STUM: variants seen among roughly 807,000 people sequenced by gnomAD.
STUM encodes stum, mechanosensory transduction mediator homolog, also known as protein stum homolog.
In STUM, 8 loss-of-function variants were observed where a neutral mutation model predicts 15.3. The observed-to-expected ratio is 0.52, with a 90% confidence interval of 0.31 to 0.94. STUM has a LOEUF of 0.94. Ranked by LOEUF, STUM falls within the 40% of genes least tolerant of loss-of-function variation. The pLI, the probability that STUM is intolerant of heterozygous loss-of-function variation, is 0.05. For missense variants in STUM, 142 were observed against 204.9 expected (o/e 0.69, Z 1.87); for synonymous variants, 78 against 88.7 (o/e 0.88, Z 0.68).
intron 1 of STUM, among the ~76,000 whole-genome samples, chr1:226,556,199 T>G (rs1389959910): frequency 6.6e-6 from 1 of 152,098 alleles, no homozygotes; most frequent in African/African-American, 2.4e-5. Context: ...CAGAGGAAGT[T>G]TGTGTCTCAA....
chr1:226,552,956 C>T lies in STUM; in HGVS notation c.202+3850C>T, dbSNP rs1478487626. 6.6e-6 allele frequency among the ~76,000 whole-genome samples: 1 copy of T among 152,186 alleles called. No homozygotes were observed. Among genetic ancestry groups the T allele is most frequent in the African/African-American group, 2.4e-5 (1 of 41,432 alleles). Reference sequence around the variant, plus strand: ...CAAATACATATAGACTAGAATTATACTCCTGGAATAGGCATTAGAGATCAT... The same window carrying T: ...CAAATACATATAGACTAGAATTATATTCCTGGAATAGGCATTAGAGATCAT... On this transcript the variant is annotated intron_variant, in intron 1 of 3. Transcript: ENST00000366788. This position sits in a 1 kb window ranked among gnomAD's most constrained non-coding sequence, Gnocchi z 4.7.
chr1:226,559,697 G>A (rs1379742785), intron 1 of STUM, among the ~76,000 whole-genome samples: 1 of 152,212 alleles, frequency 6.6e-6, no homozygotes, highest in Non-Finnish European at 1.5e-5. Context: ...ATTCAGCCAG[G>A]ACGTGATGGC....
At chr1:226,597,133 G>A in intron 2 of STUM, 152 bp downstream of exon 2, 1 of 766,776 alleles carries the variant, frequency 1.3e-6, no homozygotes, top group Non-Finnish European at 2.2e-6. Context: ...ACAACTCCCT[G>A]GGCTGCTTGG....
rs1249879807 is a variant in STUM at position 226,565,832 on chromosome 1, G to A, written c.202+16726G>A. ...GCTCTCCTCCCAAGAAACCCAGATG[G>A]CTGGAAGCATCGCTGCCTTCCCGGA... On this transcript the variant is annotated intron_variant, in intron 1 of 3. Coordinates refer to ENST00000366788, the MANE Select transcript of STUM (RefSeq NM_001003665.4). The surrounding 1 kb of genome is among the most constrained non-coding windows in gnomAD (Gnocchi z 4.4). Among the ~76,000 whole-genome samples the A allele has an allele frequency of 6.6e-6, 1 of 152,200 alleles. No homozygotes were observed. The highest frequency in any genetic ancestry group is 2.4e-5 in the African/African-American group (1 of 41,446).
At chr1:226,595,494 C>G (rs1363157199) in intron 1 of STUM, among the ~76,000 whole-genome samples, 1 of 152,234 alleles carries the variant, frequency 6.6e-6, no homozygotes, top group African/African-American at 2.4e-5. Flanking sequence ...CACTGAATCT[C>G]TCTCTGTGTG....
At chr1:226,579,483 C>A (rs556272924) in intron 1 of STUM, among the ~76,000 whole-genome samples, 1 of 152,206 alleles carries the variant, frequency 6.6e-6, no homozygotes, top group Admixed American at 6.5e-5. Flanking sequence ...TAATCCCACC[C>A]GCAAGTGTGA....
intron 3 of STUM, among the ~76,000 whole-genome samples, chr1:226,601,483 G>T (rs771342165): frequency 6.6e-6 from 1 of 152,136 alleles, no homozygotes; most frequent in Non-Finnish European, 1.5e-5. Flanking sequence ...TTTTCCCAAA[G>T]GACTCATGAT....
chr1:226,572,133 G>A lies in STUM; in HGVS notation c.202+23027G>A, dbSNP rs575867592. 1.6e-4 allele frequency among the ~76,000 whole-genome samples: 24 copies of A among 152,284 alleles called. No homozygotes were observed. The East Asian group carries it at 2.5e-3, about 16-fold the overall frequency. ...AATTAAAGGGCATGATGATGATACC[G>A]GCTGCGGTGAGAACCTGCCACCCTT... On this transcript the variant is annotated intron_variant, in intron 1 of 3. Coordinates refer to ENST00000366788, the MANE Select transcript of STUM (RefSeq NM_001003665.4).
At chr1:226,576,966 C>T (rs530341) in intron 1 of STUM, among the ~76,000 whole-genome samples, 84,894 of 152,106 alleles carry the variant, frequency 0.56, 24,208 homozygotes, top group African/African-American at 0.66. Flanking sequence ...AACATAGCTA[C>T]CCACACACTT....
intron 1 of STUM, among the ~76,000 whole-genome samples, chr1:226,584,601 C>A (rs763297826): frequency 7.9e-5 from 12 of 152,200 alleles, no homozygotes; most frequent in Non-Finnish European, 1.5e-4. Context: ...TGAGCCCAAG[C>A]CTGCCATTTG....
intron 1 of STUM, among the ~76,000 whole-genome samples, chr1:226,595,359 G>A (rs1262194551): frequency 2.0e-5 from 3 of 151,962 alleles, no homozygotes; most frequent in South Asian, 2.1e-4. Context: ...TTCCTCTCTC[G>A]GTCCACTGGC....
intron 1 of STUM, among the ~76,000 whole-genome samples, chr1:226,558,171 T>C (rs1390583660): frequency 6.6e-6 from 1 of 152,130 alleles, no homozygotes; most frequent in Non-Finnish European, 1.5e-5. Flanking sequence ...GGCATCCAAA[T>C]AGGAAAGGAA....
intron 1 of STUM, among the ~76,000 whole-genome samples, chr1:226,571,212 C>T (rs1667705772): frequency 6.6e-6 from 1 of 152,066 alleles, no homozygotes. Context: ...GCCTGGGAGA[C>T]AGCGTGAATG....
At chr1:226,568,435 G>A (rs1163487797) in intron 1 of STUM, among the ~76,000 whole-genome samples, 1 of 152,172 alleles carries the variant, frequency 6.6e-6, no homozygotes, top group East Asian at 1.9e-4. Context: ...AATTTGGCAG[G>A]GACAGCTTCA....
At chr1:226,575,509 G>T (rs1205259825) in intron 1 of STUM, among the ~76,000 whole-genome samples, 12 of 152,214 alleles carry the variant, frequency 7.9e-5, no homozygotes, top group Admixed American at 7.8e-4. Flanking sequence ...GGACTGGGCC[G>T]CGAGGCCTGG....
At chr1:226,563,752 A>G (rs1667577433) in intron 1 of STUM, among the ~76,000 whole-genome samples, 1 of 152,232 alleles carries the variant, frequency 6.6e-6, no homozygotes, top group Non-Finnish European at 1.5e-5. Flanking sequence ...ATCAACAACC[A>G]GTGACTTTGC....
chr1:226,597,921 C>G (rs1668208920), intron 2 of STUM, among the ~76,000 whole-genome samples: 1 of 152,192 alleles, frequency 6.6e-6, no homozygotes, highest in East Asian at 1.9e-4. Context: ...AGCAGGGGAA[C>G]CCCAGGCTGG....
At chr1:226,551,409 A>T (rs908800146) in intron 1 of STUM, among the ~76,000 whole-genome samples, 10 of 152,140 alleles carry the variant, frequency 6.6e-5, no homozygotes, top group African/African-American at 2.4e-4. Context: ...AGTGCTTTTG[A>T]TCCCTCTGCT....
chr1:226,551,254 G>A (rs114561624), intron 1 of STUM, among the ~76,000 whole-genome samples: 1 of 152,302 alleles, frequency 6.6e-6, no homozygotes, highest in African/African-American at 2.4e-5. Context: ...ATAAAGCCCA[G>A]CGTCTGGTGC....
Sources: allele counts gnomAD v4.1 joint callset (sites outside exome capture counted in the v4.1 genomes callset), GRCh38; gene constraint gnomAD v4.1.1; non-coding constraint Gnocchi (gnomAD v3.1); transcripts MANE v1.5; gene names NCBI Gene and HGNC (gene_info 2026-07-23, HGNC 2026-07-21).